The following ZFAND3 variants were observed in gnomAD, a reference collection of about 807,000 sequenced individuals.
ZFAND3 encodes the protein zinc finger AN1-type containing 3.
In ZFAND3, 10 loss-of-function variants were observed where a neutral mutation model predicts 29.6. That is an observed-to-expected ratio of 0.34 (90% confidence interval 0.21 to 0.57). The LOEUF is 0.57. Ranked by LOEUF, ZFAND3 falls within the 20% of genes least tolerant of loss-of-function variation. The pLI is 0.86. For synonymous variants in ZFAND3, 128 were observed against 112.6 expected (o/e 1.14, Z -0.87); for missense variants, 230 against 304.5 (o/e 0.76, Z 1.82).
rs1766307036 is a variant in ZFAND3 at position 38,154,375 on chromosome 6, G to T, written c.*1986G>T. ...ATGTTCGCTTCCTGACTTAGAGCTG[G>T]GGGGGGTGGGGGGTGGGGCTTGTTC... On this transcript the variant is annotated 3_prime_UTR_variant, in exon 6 of 6. Transcript: ENST00000287218. 1.6e-5 allele frequency: 13 copies of T among 833,150 alleles called. No homozygotes were observed. The highest frequency in any genetic ancestry group is 1.9e-5 in the African/African-American group (1 of 53,840). The allele number at this position is 833,150 out of a possible 1,614,324, so 51.6% of individuals were successfully genotyped here. A position where few individuals can be genotyped will look rare whatever the true frequency, so the allele number is the denominator to read the frequency against.
At chr6:38,151,935 C>T (rs557121384) in intron 5 of ZFAND3, among the ~76,000 whole-genome samples, 1 of 152,236 alleles carries the variant, frequency 6.6e-6, no homozygotes, top group African/African-American at 2.4e-5. Flanking sequence ...TGGAGAGGAG[C>T]GCAGAGCCCA....
Position 37,923,826 on chromosome 6 carries a change from G to A in ZFAND3, c.72-6133G>A, listed in dbSNP as rs116377706. Reference sequence around the variant, plus strand: ...TATGCAGTGCATGACTATATGTAATGTGTATATATGGTATGAAGCATAATA... The same window carrying A: ...TATGCAGTGCATGACTATATGTAATATGTATATATGGTATGAAGCATAATA... On this transcript the variant is annotated intron_variant, in intron 1 of 5. Transcript: ENST00000287218. 7.3e-3 allele frequency among the ~76,000 whole-genome samples: 1,112 copies of A among 152,202 alleles called. 7 individuals are homozygous for A. The highest frequency in any genetic ancestry group is 0.017 in the Middle Eastern group (5 of 294).
In ZFAND3 at chr6:37,970,820, G is replaced by T. The variant is rs567741640; in HGVS notation, c.112+40821G>T. Among the ~76,000 whole-genome samples, 38 of 152,268 alleles carry T rather than the reference G, an allele frequency of 2.5e-4. No individual in the cohort carries two copies. In the South Asian group the frequency reaches 5.0e-3, roughly 20 times the overall value. On this transcript the variant is annotated intron_variant, in intron 2 of 5. Transcript: ENST00000287218. The stretch of plus-strand genomic sequence containing the variant: ...CTTGGGAGGCTGAGATAGGAGAATG[G>T]CGTGAACCGTGGAATCAGAGCCTGC...
intron 2 of ZFAND3, among the ~76,000 whole-genome samples, chr6:37,957,749 C>T (rs1762109164): frequency 6.6e-6 from 1 of 152,130 alleles, no homozygotes; most frequent in South Asian, 2.1e-4. Context: ...ACATGATCTA[C>T]TCTAGGAAAC....
chr6:37,920,052 C>CTTTTTTTTTTTTTT (rs11389241), intron 1 of ZFAND3, among the ~76,000 whole-genome samples: 1 of 93,410 alleles, frequency 1.1e-5, no homozygotes, highest in Non-Finnish European at 2.1e-5. Flanking sequence ...TTTTTTGAAG[C>CTTTTTTTTTTTTTT]TTTTTTTTTT....
intron 2 of ZFAND3, among the ~76,000 whole-genome samples, chr6:38,044,094 G>T (rs1231741087): frequency 6.6e-6 from 1 of 152,178 alleles, no homozygotes; most frequent in African/African-American, 2.4e-5. Context: ...ATACGTAATT[G>T]TGGCCATCTC....
intron 5 of ZFAND3, among the ~76,000 whole-genome samples, chr6:38,140,248 C>T (rs1374821355): frequency 1.3e-5 from 2 of 152,146 alleles, no homozygotes; most frequent in African/African-American, 4.8e-5. Flanking sequence ...TGTTAGCATA[C>T]ATAGTTAGAA....
chr6:38,116,555 T>C lies in ZFAND3; in HGVS notation c.362-17T>C. 6.3e-7 allele frequency: 1 copy of C among 1,595,292 alleles called. No homozygotes were observed. Among genetic ancestry groups the C allele is most frequent in the East Asian group, 2.3e-5 (1 of 44,430 alleles). On this transcript the variant is annotated splice_polypyrimidine_tract_variant and intron_variant, in intron 4 of 5. Coordinates refer to ENST00000287218, the MANE Select transcript of ZFAND3 (RefSeq NM_021943.3). ...CCAGGCACTAATCCTGATCCCCAAA[T>C]ATGTTGTTTTGGTCAGATTCACAGT...
intron 1 of ZFAND3, among the ~76,000 whole-genome samples, chr6:37,901,467 C>T (rs560148309): frequency 3.9e-5 from 6 of 152,122 alleles, no homozygotes; most frequent in African/African-American, 1.2e-4. Context: ...CAAAAATTAG[C>T]GAGACGTGGT....
intron 4 of ZFAND3, among the ~76,000 whole-genome samples, chr6:38,091,691 C>T (rs1164479956): frequency 5.4e-5 from 7 of 129,854 alleles, no homozygotes; most frequent in African/African-American, 5.8e-5. Context: ...ATTAAGGAGC[C>T]TTTTTTTTTT....
At chr6:37,982,654 C>T (rs755390437) in intron 2 of ZFAND3, among the ~76,000 whole-genome samples, 9 of 152,194 alleles carry the variant, frequency 5.9e-5, no homozygotes, top group Non-Finnish European at 1.0e-4. Flanking sequence ...CAATTATGTA[C>T]ACCACATAGT....
intron 1 of ZFAND3, among the ~76,000 whole-genome samples, chr6:37,878,245 C>G (rs985475975): frequency 6.6e-6 from 1 of 152,174 alleles, no homozygotes; most frequent in Non-Finnish European, 1.5e-5. Flanking sequence ...ACTGCCATTA[C>G]TATCCGTGGG....
chr6:38,066,404 TA>T (rs2127465277), intron 3 of ZFAND3, among the ~76,000 whole-genome samples: 1 of 152,360 alleles, frequency 6.6e-6, no homozygotes, highest in African/African-American at 2.4e-5. Context: ...GTTGATATTT[TA>T]GTATCCTCAA....
rs145445392 is a variant in ZFAND3 at position 37,831,048 on chromosome 6, A to G, written c.71+11032A>G. Among the ~76,000 whole-genome samples, 668 of 152,278 alleles carry G rather than the reference A, an allele frequency of 4.4e-3. 7 individuals are homozygous for G. The highest frequency in any genetic ancestry group is 0.015 in the African/African-American group (635 of 41,552). ...TATCTCCAGAAAACCAGCTGAACCAAGTGGCTAGGCATGGGTTTTGGAATC... is the reference window on the plus strand; with the variant it reads ...TATCTCCAGAAAACCAGCTGAACCAGGTGGCTAGGCATGGGTTTTGGAATC... On this transcript the variant is annotated intron_variant, in intron 1 of 5. Coordinates refer to ENST00000287218, the MANE Select transcript of ZFAND3 (RefSeq NM_021943.3).
intron 2 of ZFAND3, among the ~76,000 whole-genome samples, chr6:37,954,388 G>A (rs1165132159): frequency 1.3e-5 from 2 of 151,924 alleles, no homozygotes; most frequent in Admixed American, 1.3e-4. Context: ...GTTTCTCTGT[G>A]TTTCATTTTG....
chr6:37,961,512 G>A (rs1762195031), intron 2 of ZFAND3, among the ~76,000 whole-genome samples: 1 of 152,258 alleles, frequency 6.6e-6, no homozygotes, highest in Non-Finnish European at 1.5e-5. Context: ...GCGAACAGAG[G>A]TGACAGCCAG....
intron 1 of ZFAND3, among the ~76,000 whole-genome samples, chr6:37,917,378 C>G (rs1325779799): frequency 6.6e-6 from 1 of 152,138 alleles, no homozygotes; most frequent in Non-Finnish European, 1.5e-5. Context: ...TAACACTACC[C>G]CTGTAGCAAC....
chr6:38,082,231 C>T (rs1271443814), intron 3 of ZFAND3, among the ~76,000 whole-genome samples, 161 bp from the exon 4 acceptor site: 1 of 151,224 alleles, frequency 6.6e-6, no homozygotes, highest in Non-Finnish European at 1.5e-5. Flanking sequence ...AAAATTAGGT[C>T]CTTAGAATTA....
At chr6:38,061,889 T>C in intron 3 of ZFAND3, 114 bp downstream of exon 3, 1 of 1,286,388 alleles carries the variant, frequency 7.8e-7, no homozygotes, top group Non-Finnish European at 1.1e-6. Flanking sequence ...TCAAGATAAG[T>C]GTCCACATAC....
Sources: allele counts gnomAD v4.1 joint callset (sites outside exome capture counted in the v4.1 genomes callset), GRCh38; gene constraint gnomAD v4.1.1; transcripts MANE v1.5; gene names NCBI Gene and HGNC (gene_info 2026-07-23, HGNC 2026-07-21).